Variants in CACNA2D4 observed in about 807,000 individuals in gnomAD.
CACNA2D4 encodes calcium voltage-gated channel auxiliary subunit alpha2delta 4.
Under a neutral mutation model 163.8 loss-of-function variants are expected in CACNA2D4, and 157 were observed. The observed-to-expected ratio is 0.96, with a 90% confidence interval of 0.84 to 1.09. The LOEUF (loss-of-function observed/expected upper bound fraction) is 1.09. Ranked by LOEUF, CACNA2D4 falls within the 50% of genes least tolerant of loss-of-function variation. The pLI is 0.00. For synonymous variants in CACNA2D4, 598 were observed against 586.9 expected, an observed-to-expected ratio of 1.02 and a Z score of -0.27; for missense variants, 1,410 against 1,479.9, an observed-to-expected ratio of 0.95 and a Z score of 0.78.
At chr12:1,893,282 C>T (rs182503276) in intron 6 of CACNA2D4, among the ~76,000 whole-genome samples, 1 of 152,228 alleles carries the variant, frequency 6.6e-6, no homozygotes, top group East Asian at 1.9e-4. Flanking sequence ...CTTTGTGGGG[C>T]TGAGGCGGGT....
At position 1,907,579 on chromosome 12, in the gene CACNA2D4, G is replaced by C; in HGVS notation, c.650-8C>G. ...CATTTAAAATATCTGGGTCTGAAGGGTGAGACTATAGATTATGATCCTGTA... is the reference window on the plus strand; with the variant it reads ...CATTTAAAATATCTGGGTCTGAAGGCTGAGACTATAGATTATGATCCTGTA... On this transcript the variant is annotated splice_polypyrimidine_tract_variant and splice_region_variant and intron_variant, in intron 5 of 37. Transcript: ENST00000382722. 1 of 1,610,666 alleles carries C rather than the reference G, an allele frequency of 6.2e-7. No homozygotes were observed. The highest frequency in any genetic ancestry group is 8.5e-7 in the Non-Finnish European group (1 of 1,177,568).
chr12:1,890,011 C>G (rs756912568), intron 6 of CACNA2D4, among the ~76,000 whole-genome samples: 1 of 152,142 alleles, frequency 6.6e-6, no homozygotes, highest in Non-Finnish European at 1.5e-5. Flanking sequence ...GAGACGGAAG[C>G]AAGTCACCCT....
At chr12:1,813,875 C>T (rs1863793319) in intron 26 of CACNA2D4, among the ~76,000 whole-genome samples, 1 of 152,192 alleles carries the variant, frequency 6.6e-6, no homozygotes, top group African/African-American at 2.4e-5. Flanking sequence ...GAGGTGTGCT[C>T]AGGGCCTAGC....
At chr12:1,817,897 G>A (rs1470846492) in intron 26 of CACNA2D4, among the ~76,000 whole-genome samples, 4 of 152,012 alleles carry the variant, frequency 2.6e-5, no homozygotes, top group Non-Finnish European at 4.4e-5. Context: ...GCCTCTGCCC[G>A]GCCACCACCC....
chr12:1,796,263 C>T (rs1400926432), intron 35 of CACNA2D4, among the ~76,000 whole-genome samples: 1 of 152,216 alleles, frequency 6.6e-6, no homozygotes, highest in Non-Finnish European at 1.5e-5. Flanking sequence ...GGAGCCCGCC[C>T]GCCAGGCCCA....
chr12:1,847,263 A>T (rs1372043624), intron 23 of CACNA2D4, among the ~76,000 whole-genome samples: 1 of 152,196 alleles, frequency 6.6e-6, no homozygotes, highest in Non-Finnish European at 1.5e-5. Flanking sequence ...CAAAGCCACA[A>T]TACTTTGACC....
At chr12:1,916,404 A>G (rs1271588700) in intron 1 of CACNA2D4, among the ~76,000 whole-genome samples, 4 of 152,232 alleles carry the variant, frequency 2.6e-5, no homozygotes, top group African/African-American at 9.6e-5. Context: ...AAAGCTGCCC[A>G]TAAGCACTGG....
chr12:1,793,976 C>T (rs1344164206), intron 37 of CACNA2D4, among the ~76,000 whole-genome samples: 1 of 152,136 alleles, frequency 6.6e-6, no homozygotes, highest in East Asian at 1.9e-4. Context: ...CTCTGCTTGC[C>T]CTCAGGCTTG....
intron 13 of CACNA2D4, among the ~76,000 whole-genome samples, chr12:1,880,664 T>A (rs931208422): frequency 5.9e-5 from 9 of 152,260 alleles, no homozygotes; most frequent in African/African-American, 2.2e-4. Flanking sequence ...GTCATGGAAG[T>A]CCACAGTTGA....
chr12:1,901,464 A>T (rs1565737085), intron 6 of CACNA2D4, among the ~76,000 whole-genome samples: 1 of 152,030 alleles, frequency 6.6e-6, no homozygotes, highest in Non-Finnish European at 1.5e-5. Context: ...TAAGAAAAAA[A>T]GAAAGAAGAC....
chr12:1,895,083 T>C (rs1866370775), intron 6 of CACNA2D4, among the ~76,000 whole-genome samples: 1 of 152,256 alleles, frequency 6.6e-6, no homozygotes, highest in African/African-American at 2.4e-5. Flanking sequence ...AGTGTTTCTA[T>C]ATACCAATAA....
chr12:1,795,216 T>C (rs1592643303), intron 37 of CACNA2D4, 83 bp downstream of exon 37: 1 of 1,266,084 alleles, frequency 7.9e-7, no homozygotes, highest in Non-Finnish European at 1.1e-6. Context: ...CCCTATATGC[T>C]CCTGTCTGCA....
intron 37 of CACNA2D4, 26 bp downstream of exon 37, chr12:1,795,273 C>G: frequency 6.2e-7 from 1 of 1,607,354 alleles, no homozygotes; most frequent in Non-Finnish European, 8.5e-7. Context: ...AAATCCAGCC[C>G]ACCCTCGATC....
chr12:1,810,490 G>T (rs374116777), intron 28 of CACNA2D4, 53 bp downstream of exon 28: 20 of 1,534,338 alleles, frequency 1.3e-5, no homozygotes, highest in Non-Finnish European at 1.7e-5. Flanking sequence ...CAGGAGGACC[G>T]GGCGGAGGGC....
intron 29 of CACNA2D4, among the ~76,000 whole-genome samples, chr12:1,801,851 G>C (rs1863344808): frequency 6.6e-6 from 1 of 152,068 alleles, no homozygotes; most frequent in South Asian, 2.1e-4. Flanking sequence ...GTCCAGCCTG[G>C]TGCTTCCTCA....
chr12:1,822,615 A>G (rs1456436780), intron 26 of CACNA2D4, among the ~76,000 whole-genome samples: 1 of 152,116 alleles, frequency 6.6e-6, no homozygotes, highest in Non-Finnish European at 1.5e-5. Flanking sequence ...AATATTTGAC[A>G]AGGAAACGGG....
At chr12:1,846,449 G>A in intron 24 of CACNA2D4, 145 bp downstream of exon 24, 2 of 647,860 alleles carry the variant, frequency 3.1e-6, no homozygotes, top group Non-Finnish European at 2.7e-6. Flanking sequence ...TGTCAATCCC[G>A]ATCCTTCTGC....
chr12:1,805,071 C>T (rs571581980), intron 29 of CACNA2D4, among the ~76,000 whole-genome samples: 6 of 152,296 alleles, frequency 3.9e-5, no homozygotes, highest in South Asian at 4.1e-4. Flanking sequence ...AAGCATAGCA[C>T]GATGCAGGGG....
intron 26 of CACNA2D4, among the ~76,000 whole-genome samples, chr12:1,823,831 G>A (rs534581112): frequency 7.9e-5 from 12 of 152,290 alleles, no homozygotes; most frequent in Admixed American, 1.3e-4. Flanking sequence ...AGGCAATGCC[G>A]TGGACACTGC....
Sources: gnomAD v4.1 joint callset for allele counts (sites outside exome capture counted in the v4.1 genomes callset) on GRCh38, gnomAD v4.1.1 for gene constraint, MANE v1.5 for transcripts, NCBI Gene and HGNC (gene_info 2026-07-23, HGNC 2026-07-21) for gene names.